The following ZNF407 variants were observed in gnomAD, a reference collection of about 807,000 sequenced individuals.
The protein encoded by ZNF407 is zinc finger protein 407.
ZNF407 carries 17 observed loss-of-function variants against 131.2 expected under a neutral mutation model. That is an observed-to-expected ratio of 0.13 (90% CI 0.09 to 0.19). The LOEUF is 0.19. Among genes scored for constraint, ZNF407 ranks in the 10% least tolerant of loss-of-function variants. ZNF407 has a pLI of 1.00. For synonymous variants in ZNF407, 1,156 were observed against 1,062.0 expected (o/e 1.09, Z -1.72); for missense variants, 2,681 against 2,830.6 (o/e 0.95, Z 1.20).
intron 3 of ZNF407, among the ~76,000 whole-genome samples, chr18:74,667,241 TTGG>T (rs1256357154): frequency 6.6e-6 from 1 of 152,212 alleles, no homozygotes; most frequent in African/African-American, 2.4e-5. Context: ...GTGCTGACTG[TTGG>T]TGGTCACTCA....
chr18:74,814,158 C>T (rs1395037977), intron 4 of ZNF407, among the ~76,000 whole-genome samples: 1 of 152,164 alleles, frequency 6.6e-6, no homozygotes, highest in African/African-American at 2.4e-5. Context: ...TTTTAAGATA[C>T]AGGGTCTCCC....
intron 3 of ZNF407, among the ~76,000 whole-genome samples, chr18:74,708,220 G>T (rs1181041597): frequency 2.0e-5 from 3 of 152,122 alleles, no homozygotes; most frequent in African/African-American, 7.2e-5. Context: ...TACTGCTTTT[G>T]GTAGTTTGGT....
intron 2 of ZNF407, among the ~76,000 whole-genome samples, chr18:74,637,903 A>T (rs919194122): frequency 2.0e-5 from 3 of 152,206 alleles, no homozygotes; most frequent in Non-Finnish European, 2.9e-5. Context: ...ATCGTAGGAA[A>T]AAGGATCCTA....
chr18:74,842,121 GC>G (rs1354754375), intron 4 of ZNF407, among the ~76,000 whole-genome samples: 14 of 152,104 alleles, frequency 9.2e-5, no homozygotes, highest in African/African-American at 2.4e-4. Context: ...TGGAAAGGTT[GC>G]CTAAGATTTT....
intron 4 of ZNF407, among the ~76,000 whole-genome samples, chr18:74,871,247 A>G (rs1971083018): frequency 6.6e-6 from 1 of 152,224 alleles, no homozygotes; most frequent in African/African-American, 2.4e-5. Context: ...GAAGAAATTC[A>G]GGTGGGAACC....
intron 8 of ZNF407, among the ~76,000 whole-genome samples, chr18:75,010,676 G>A (rs756614051): frequency 1.3e-5 from 2 of 152,120 alleles, no homozygotes; most frequent in Non-Finnish European, 2.9e-5. Flanking sequence ...ATATAGCCAT[G>A]GTGAAACCAG....
chr18:74,866,681 AAT>A (rs111356394), intron 4 of ZNF407, among the ~76,000 whole-genome samples: 4 of 150,896 alleles, frequency 2.7e-5, no homozygotes, highest in Admixed American at 6.6e-5. Flanking sequence ...TGTGAGAAAT[AAT>A]ATATATATAT....
chr18:74,733,697 T>C (rs1209686339), intron 3 of ZNF407, among the ~76,000 whole-genome samples: 6 of 152,218 alleles, frequency 3.9e-5, no homozygotes, highest in African/African-American at 1.2e-4. Flanking sequence ...TACAATCATG[T>C]TAATCCTCGT....
intron 4 of ZNF407, among the ~76,000 whole-genome samples, chr18:74,826,217 G>T (rs1970407701): frequency 6.6e-6 from 1 of 152,172 alleles, no homozygotes; most frequent in African/African-American, 2.4e-5. Flanking sequence ...ATGCAGGTAA[G>T]TCTAGACATG....
At chr18:74,807,109 AC>A (rs1970121463) in intron 4 of ZNF407, among the ~76,000 whole-genome samples, 1 of 152,166 alleles carries the variant, frequency 6.6e-6, no homozygotes, top group African/African-American at 2.4e-5. Context: ...TACAGTAGGC[AC>A]CTCTGAAGCC....
At chr18:75,044,822 T>C (rs1973414168) in intron 8 of ZNF407, among the ~76,000 whole-genome samples, 1 of 152,242 alleles carries the variant, frequency 6.6e-6, no homozygotes, top group Non-Finnish European at 1.5e-5. Context: ...ATTTCTTTTC[T>C]GCTAAAGACC....
At chr18:74,904,481 A>T (rs1568263126) in intron 7 of ZNF407, among the ~76,000 whole-genome samples, 1 of 152,240 alleles carries the variant, frequency 6.6e-6, no homozygotes, top group Non-Finnish European at 1.5e-5. Flanking sequence ...TGTGGGTGAC[A>T]GTCCAGCTTA....
intron 3 of ZNF407, among the ~76,000 whole-genome samples, chr18:74,776,220 C>T (rs965965893): frequency 3.3e-5 from 5 of 152,182 alleles, no homozygotes; most frequent in South Asian, 4.1e-4. Flanking sequence ...ACATAGAAGA[C>T]GCCCTAAGGG....
intron 7 of ZNF407, among the ~76,000 whole-genome samples, chr18:74,902,949 G>T (rs191646429): frequency 4.6e-5 from 7 of 152,100 alleles, no homozygotes; most frequent in Non-Finnish European, 1.0e-4. Context: ...ACCCACCAGT[G>T]CCTGCAGTAT....
chr18:74,630,864 G>C, intron 1 of ZNF407, 103 bp from the exon 2 acceptor site: 2 of 808,162 alleles, frequency 2.5e-6, no homozygotes, highest in South Asian at 4.2e-5. Context: ...AGTATAAAGG[G>C]TGTTTCATTG....
At chr18:75,005,522 T>C (rs1486970514) in intron 8 of ZNF407, among the ~76,000 whole-genome samples, 3 of 152,188 alleles carry the variant, frequency 2.0e-5, no homozygotes, top group Non-Finnish European at 2.9e-5. Flanking sequence ...GGAAAATTCA[T>C]TTCTATTGAG....
At chr18:74,806,523 AT>A in intron 4 of ZNF407, among the ~76,000 whole-genome samples, 1 of 152,168 alleles carries the variant, frequency 6.6e-6, no homozygotes. Context: ...CCTTAGTTTC[AT>A]TTTCTGGAAA....
chr18:74,987,205 G>T (rs1159672064), intron 8 of ZNF407, among the ~76,000 whole-genome samples: 2 of 151,890 alleles, frequency 1.3e-5, no homozygotes, highest in Admixed American at 6.6e-5. Context: ...GCGTGTCGTT[G>T]TGTCAGTACC....
chr18:74,673,857 A>G (rs1393280528), intron 3 of ZNF407, among the ~76,000 whole-genome samples: 1 of 152,232 alleles, frequency 6.6e-6, no homozygotes, highest in African/African-American at 2.4e-5. Flanking sequence ...AACAGCGTAC[A>G]TAGGTAAATT....
Sources: allele counts gnomAD v4.1 joint callset (sites outside exome capture counted in the v4.1 genomes callset), GRCh38; gene constraint gnomAD v4.1.1; transcripts MANE v1.5; gene names NCBI Gene and HGNC (gene_info 2026-07-23, HGNC 2026-07-21).